The following TMPO variants were observed in gnomAD, a reference collection of about 807,000 sequenced individuals.
The protein encoded by TMPO is thymopoietin.
A neutral mutation model predicts 45.4 loss-of-function variants in TMPO; 22 were observed. That is an observed-to-expected ratio of 0.48 (90% confidence interval 0.35 to 0.69). The LOEUF (loss-of-function observed/expected upper bound fraction) is 0.69. Ranked by LOEUF, TMPO falls within the 30% of genes least tolerant of loss-of-function variation. TMPO has a pLI of 0.01. For missense variants in TMPO, 512 were observed against 548.8 expected, an observed-to-expected ratio of 0.93 and a Z score of 0.67; for synonymous variants, 241 against 204.1, an observed-to-expected ratio of 1.18 and a Z score of -1.54.
intron 1 of TMPO, chr12:98,516,581 T>A: frequency 1.0e-6 from 1 of 991,126 alleles, no homozygotes; most frequent in Non-Finnish European, 1.2e-6. Flanking sequence ...CTCAGAGCGC[T>A]CCCTGGAGGG....
At chr12:98,528,825 G>A (rs1338919011) in intron 2 of TMPO, among the ~76,000 whole-genome samples, 1 of 152,078 alleles carries the variant, frequency 6.6e-6, no homozygotes, top group African/African-American at 2.4e-5. Flanking sequence ...AGGGTGTGGT[G>A]TCACAAATCT....
intron 2 of TMPO, among the ~76,000 whole-genome samples, chr12:98,531,030 T>C (rs1877153971): frequency 6.6e-6 from 1 of 152,050 alleles, no homozygotes; most frequent in Non-Finnish European, 1.5e-5. Flanking sequence ...GCAACCTCCA[T>C]CTCCTGGGTT....
At chr12:98,534,866 ATAG>A in intron 3 of TMPO, 4 of 997,028 alleles carry the variant, frequency 4.0e-6, no homozygotes, top group Non-Finnish European at 4.8e-6. Context: ...AACATCAATC[ATAG>A]TAGTCTAGAT....
At chr12:98,532,579 A>C (rs1443425586) in intron 3 of TMPO, among the ~76,000 whole-genome samples, 1 of 152,242 alleles carries the variant, frequency 6.6e-6, no homozygotes, top group African/African-American at 2.4e-5. Context: ...ATGTCCTTTA[A>C]AAATTATAAA....
rs142573109 is a variant in TMPO, at chr12:98,537,042, A to G, written c.566-433A>G. ...TTAAACTTTCCCTTCTATGTTCCAA[A>G]TTTTAATTTAGTAAGTCAACCTTTG... On this transcript the variant is annotated intron_variant, in intron 3 of 8. Coordinates refer to ENST00000556029, the MANE Select transcript of TMPO (RefSeq NM_001032283.3). Among the ~76,000 whole-genome samples the G allele has an allele frequency of 6.2e-4, 95 of 152,290 alleles. 1 individual carries two copies. Among genetic ancestry groups the G allele is most frequent in the African/African-American group, 2.2e-3 (92 of 41,562 alleles).
chr12:98,534,911 G>C (rs1354063553), intron 3 of TMPO: 2 of 969,590 alleles, frequency 2.1e-6, no homozygotes, highest in Non-Finnish European at 2.5e-6. Flanking sequence ...TCTACAAACT[G>C]TTACTTATCC....
At chr12:98,535,783 T>C (rs1877529572) in intron 3 of TMPO, 1 of 574,410 alleles carries the variant, frequency 1.7e-6, no homozygotes, top group South Asian at 7.7e-5. Flanking sequence ...ATTCTGATTA[T>C]GGTATGGTTT....
chr12:98,527,945 A>G lies in TMPO; in HGVS notation c.339A>G (p.Thr113=). The G allele has an allele frequency of 6.2e-7, 1 of 1,613,950 alleles. No individual in the cohort carries two copies. The highest frequency in any genetic ancestry group is 1.1e-5 in the South Asian group (1 of 91,084). ...RQEDKDDLDV[T]ELTNEDLLDQ... ...AAGATAAAGATGATCTAGATGTAAC[A>G]GAGCTCACTAATGAAGATCTTTTGG... The change falls in exon 2 of 9, where the codon ACA becomes ACG. Residue 113 remains threonine (T), a synonymous_variant. Coordinates refer to ENST00000556029, the MANE Select transcript of TMPO (RefSeq NM_001032283.3).
In TMPO at chr12:98,520,465, C is replaced by G. The variant is rs189194655; in HGVS notation, c.279+4319C>G. 6.5e-3 allele frequency among the ~76,000 whole-genome samples: 986 copies of G among 151,922 alleles called. 32 individuals are homozygous for G. Among genetic ancestry groups the G allele is most frequent in the Non-Finnish European group, 2.0e-3 (135 of 67,996 alleles). ...TTACTTACAGGCACACACCACTACT[C>G]CTGGTTAATTTTTGTATTTTTAGTA... is the stretch of plus-strand genomic sequence containing the variant. On this transcript the variant is annotated intron_variant, in intron 1 of 8. Transcript: ENST00000556029.
At chr12:98,516,561 G>T in intron 1 of TMPO, 1 of 1,009,044 alleles carries the variant, frequency 9.9e-7, no homozygotes, top group South Asian at 4.6e-5. Flanking sequence ...GAAATGACTC[G>T]CAGCAGAGTC....
chr12:98,532,758 G>A, intron 3 of TMPO: 1 of 1,612,292 alleles, frequency 6.2e-7, no homozygotes, highest in Non-Finnish European at 8.5e-7. Flanking sequence ...TAGCAAAGAG[G>A]CAAAGAATAA....
At chr12:98,534,792 C>T (rs1877469171) in intron 3 of TMPO, 1 of 1,005,514 alleles carries the variant, frequency 9.9e-7, no homozygotes, top group African/African-American at 1.7e-5. Context: ...TTTTCACGTT[C>T]CATAACTTGT....
Position 98,546,413 on chromosome 12 carries a change from T to G in TMPO, c.1045T>G (p.Phe349Val). 4 of 1,611,902 alleles carry G rather than the reference T, an allele frequency of 2.5e-6. No homozygotes were observed. Among genetic ancestry groups the G allele is most frequent in the Non-Finnish European group, 2.5e-6 (3 of 1,178,388 alleles). The change falls in exon 8 of 9, where the codon TTC becomes GTC. Residue 349 changes from phenylalanine (F) to valine (V), a missense_variant. By Grantham distance (50) the Phe-to-Val change is conservative. This residue lies in a region of TMPO where 209 missense variants were observed against 235.1 expected (regional missense o/e 0.89). Coordinates refer to ENST00000556029, the MANE Select transcript of TMPO (RefSeq NM_001032283.3). ...RVERDILKEM[F>V]PYEASTPTGI... ...AGAAAGGGATATTCTTAAGGAAATG[T>G]TCCCCTATGAAGCATCTACACCAAC... is the stretch of plus-strand genomic sequence containing the variant.
At chr12:98,524,248 G>A (rs1345052647) in intron 1 of TMPO, among the ~76,000 whole-genome samples, 1 of 152,174 alleles carries the variant, frequency 6.6e-6, no homozygotes, top group African/African-American at 2.4e-5. Context: ...AATCAGAAAT[G>A]GGTAAGACCT....
In TMPO at chr12:98,526,456, C is replaced by T. The variant is rs983319606; in HGVS notation, c.280-1430C>T. Among the ~76,000 whole-genome samples the T allele has an allele frequency of 5.3e-5, 8 of 152,190 alleles. 1 individual carries two copies. In the South Asian group the frequency reaches 8.3e-4, roughly 16 times the overall value. On this transcript the variant is annotated intron_variant, in intron 1 of 8. Transcript: ENST00000556029. ...CAGATCATCTCTAGATTACTTATAACGCCTAATACAATGTAAGTGCTATGT... is the reference window on the plus strand; with the variant it reads ...CAGATCATCTCTAGATTACTTATAATGCCTAATACAATGTAAGTGCTATGT...
Position 98,533,207 on chromosome 12 carries a change from C to G in TMPO, c.565+1369C>G, listed in dbSNP as rs35969221. On this transcript the variant is annotated intron_variant, in intron 3 of 8. Transcript: ENST00000556029. ...GCTTCTCCTTCACTGATTAAAGAAA[C>G]CACCACTGGTTACTATAAAGACATA... 10,338 of 1,614,042 alleles carry G rather than the reference C, an allele frequency of 6.4e-3. 488 individuals carry two copies. In the African/African-American group the frequency reaches 0.11, roughly 17 times the overall value.
chr12:98,530,342 A>AC (rs1482197512), intron 2 of TMPO, among the ~76,000 whole-genome samples: 1 of 152,188 alleles, frequency 6.6e-6, no homozygotes, highest in Non-Finnish European at 1.5e-5. Context: ...GTCTCAAAAA[A>AC]AAAAAAAGAA....
chr12:98,547,455 T>C (rs1878294548), intron 8 of TMPO, 118 bp from the exon 9 acceptor site: 1 of 1,215,756 alleles, frequency 8.2e-7, no homozygotes, highest in African/African-American at 1.5e-5. Flanking sequence ...ATCAATTTTC[T>C]ACTGTTACCT....
At chr12:98,534,151 G>T in intron 3 of TMPO, 1 of 1,613,930 alleles carries the variant, frequency 6.2e-7, no homozygotes, top group Non-Finnish European at 8.5e-7. Context: ...TTGTGAAGCT[G>T]CATTTGATGA....
Sources: allele counts gnomAD v4.1 joint callset (sites outside exome capture counted in the v4.1 genomes callset), GRCh38; gene constraint gnomAD v4.1.1; regional missense constraint gnomAD v4.1.1; transcripts MANE v1.5; gene names NCBI Gene and HGNC (gene_info 2026-07-23, HGNC 2026-07-21).